Variants in WDHD1 observed in about 807,000 individuals in gnomAD.
WDHD1 encodes the protein WD repeat and HMG-box DNA binding protein 1.
Under a neutral mutation model 135.4 loss-of-function variants are expected in WDHD1, and 111 were observed. The ratio of observed to expected loss-of-function variants is 0.82; its 90% CI spans 0.70 to 0.96. WDHD1 has a LOEUF of 0.96. Among genes scored for constraint, WDHD1 ranks in the 40% least tolerant of loss-of-function variants. The pLI, the probability that WDHD1 is intolerant of heterozygous loss-of-function variation, is 0.00. For synonymous variants in WDHD1, 434 were observed against 439.0 expected, an observed-to-expected ratio of 0.99 and a Z score of 0.14; for missense variants, 1,351 against 1,336.3, an observed-to-expected ratio of 1.01 and a Z score of -0.17.
intron 24 of WDHD1, among the ~76,000 whole-genome samples, chr14:54,950,858 C>A (rs1406301896): frequency 6.6e-6 from 1 of 152,178 alleles, no homozygotes; most frequent in Admixed American, 6.5e-5. Flanking sequence ...CAAAACTGCT[C>A]AACCACATGG....
chr14:54,987,538 T>C (rs1247396726), intron 13 of WDHD1, 151 bp from the exon 14 acceptor site: 2 of 593,620 alleles, frequency 3.4e-6, no homozygotes, highest in African/African-American at 1.9e-5. Context: ...AAAGTAATTA[T>C]GAAATACCCT....
intron 15 of WDHD1, among the ~76,000 whole-genome samples, chr14:54,982,155 C>A (rs944895465): frequency 1.3e-5 from 2 of 151,710 alleles, no homozygotes; most frequent in Admixed American, 6.6e-5. Context: ...TACAGGCACC[C>A]GCCACCACGC....
At position 54,995,751 on chromosome 14, in the gene WDHD1, A is replaced by T; in HGVS notation, c.1005T>A (p.Ala335=). 1 of 1,613,436 alleles carries T rather than the reference A, an allele frequency of 6.2e-7. No individual in the cohort carries two copies. Among genetic ancestry groups the T allele is most frequent in the Non-Finnish European group, 8.5e-7 (1 of 1,179,692 alleles). The change falls in exon 11 of 26, where the codon GCT becomes GCA. Residue 335 remains alanine, a synonymous_variant. Transcript: ENST00000360586. ...DLFDGDDMSN[A]GDFLNDNAVE... is the part of the protein sequence containing the mutation. ...CTGCATTGTCATTTAGAAAATCACC[A>T]GCATTACTCATATCATCTCCATCAA... is the stretch of plus-strand genomic sequence containing the variant.
intron 2 of WDHD1, among the ~76,000 whole-genome samples, chr14:55,018,849 C>T (rs1293399186): frequency 1.3e-5 from 2 of 151,980 alleles, no homozygotes; most frequent in Non-Finnish European, 2.9e-5. Flanking sequence ...AATGGAGAAA[C>T]CCCATCTCTA....
intron 24 of WDHD1, among the ~76,000 whole-genome samples, chr14:54,946,942 C>G (rs1415117443): frequency 6.6e-6 from 1 of 152,166 alleles, no homozygotes; most frequent in Non-Finnish European, 1.5e-5. Context: ...ACTCAGGAGG[C>G]TGAGGCATGA....
Position 54,940,739 on chromosome 14 carries a change from T to C in WDHD1, c.*751A>G, listed in dbSNP as rs943758012. 1 of 152,188 alleles carries C rather than the reference T, an allele frequency of 6.6e-6. No homozygotes were observed. The highest frequency in any genetic ancestry group is 1.5e-5 in the Non-Finnish European group (1 of 68,034). 9.4% of individuals were successfully genotyped at this position (152,188 alleles called of 1,614,324 possible). A position where few individuals can be genotyped will look rare whatever the true frequency, so the allele number is the denominator to read the frequency against. ...GAGCACATGATGCCTTGGACTGCAA[T>C]ACTGTCACAGCAGTGTCTTCAGTTC... is the stretch of plus-strand genomic sequence containing the variant. On this transcript the variant is annotated 3_prime_UTR_variant, in exon 26 of 26. Coordinates refer to ENST00000360586, the MANE Select transcript of WDHD1 (RefSeq NM_007086.4).
At chr14:55,018,916 G>A (rs1348047931) in intron 2 of WDHD1, among the ~76,000 whole-genome samples, 2 of 152,162 alleles carry the variant, frequency 1.3e-5, no homozygotes, top group African/African-American at 4.8e-5. Context: ...CCAGCTACTT[G>A]GGAGGCTGAG....
intron 15 of WDHD1, among the ~76,000 whole-genome samples, chr14:54,982,591 C>A (rs536137884): frequency 2.6e-5 from 4 of 152,210 alleles, no homozygotes; most frequent in African/African-American, 9.6e-5. Context: ...CCTGATTATC[C>A]CTTTTCTTAT....
intron 18 of WDHD1, among the ~76,000 whole-genome samples, chr14:54,964,984 T>A (rs912645276): frequency 2.6e-5 from 4 of 152,234 alleles, no homozygotes; most frequent in Admixed American, 2.6e-4. Flanking sequence ...TGAGTTTTCT[T>A]AATACCAAAC....
Position 55,002,010 on chromosome 14 carries a change from T to C in WDHD1, c.693+83A>G, listed in dbSNP as rs2041987895. ...CAGGAGTTGTTTTCCATTCCAATAA[T>C]ATTTAACTGCAACTGTATTCAGGCA... is the stretch of plus-strand genomic sequence containing the variant. On this transcript the variant is annotated intron_variant, in intron 8 of 25. Transcript: ENST00000360586. 4.1e-6 allele frequency: 4 copies of C among 964,956 alleles called. No individual in the cohort carries two copies. The East Asian group carries it at 7.3e-5, about 18-fold the overall frequency. 59.8% of individuals were successfully genotyped at this position (964,956 alleles called of 1,614,324 possible). A position where few individuals can be genotyped will look rare whatever the true frequency, so the allele number is the denominator to read the frequency against.
chr14:54,975,122 C>T (rs2041504283), intron 16 of WDHD1, among the ~76,000 whole-genome samples: 1 of 152,128 alleles, frequency 6.6e-6, no homozygotes, highest in East Asian at 1.9e-4. Context: ...AGTTTTCAAG[C>T]ACATTAAATA....
intron 2 of WDHD1, among the ~76,000 whole-genome samples, chr14:55,019,213 CATAA>C (rs1443210088): frequency 3.3e-5 from 5 of 152,136 alleles, no homozygotes; most frequent in East Asian, 3.9e-4. Context: ...GATTAAAGCA[CATAA>C]ATATGTACCA....
intron 18 of WDHD1, among the ~76,000 whole-genome samples, chr14:54,964,151 T>C (rs1267337931): frequency 1.3e-5 from 2 of 152,080 alleles, no homozygotes; most frequent in African/African-American, 4.8e-5. Context: ...GAAAAGTTGG[T>C]ATTTTGAAGA....
At chr14:54,975,665 A>C (rs1310249357) in intron 16 of WDHD1, among the ~76,000 whole-genome samples, 1 of 151,966 alleles carries the variant, frequency 6.6e-6, no homozygotes, top group African/African-American at 2.4e-5. Flanking sequence ...TCATAATTAA[A>C]GGAAAATAGG....
chr14:54,968,255 C>G (rs777320118), intron 16 of WDHD1, among the ~76,000 whole-genome samples: 1 of 152,048 alleles, frequency 6.6e-6, no homozygotes. Flanking sequence ...ACAACATACT[C>G]CAGAATGACT....
At position 54,966,458 on chromosome 14, in the gene WDHD1, A is replaced by C. The variant is rs752061940; in HGVS notation, c.2310+17T>G. 1 of 1,588,278 alleles carries C rather than the reference A, an allele frequency of 6.3e-7. No homozygotes were observed. Among genetic ancestry groups the C allele is most frequent in the Admixed American group, 1.9e-5 (1 of 51,520 alleles). ...AGCATTTAACTTTAACGTTTTCAGTATATTTATTTTACTCACCGCAAGCAT... is the reference window on the plus strand; with the variant it reads ...AGCATTTAACTTTAACGTTTTCAGTCTATTTATTTTACTCACCGCAAGCAT... On this transcript the variant is annotated intron_variant, in intron 18 of 25. Coordinates refer to ENST00000360586, the MANE Select transcript of WDHD1 (RefSeq NM_007086.4).
chr14:54,951,687 C>G (rs376990051), intron 24 of WDHD1, among the ~76,000 whole-genome samples: 41 of 152,164 alleles, frequency 2.7e-4, no homozygotes, highest in African/African-American at 5.3e-4. Flanking sequence ...GCCTGGCAGA[C>G]ACACAACAAA....
chr14:54,966,498 C>A lies in WDHD1; in HGVS notation c.2287G>T (p.Glu763Ter), dbSNP rs1181960732. 1.2e-6 allele frequency: 2 copies of A among 1,601,454 alleles called. No homozygotes were observed. The highest frequency in any genetic ancestry group is 2.7e-5 in the African/African-American group (2 of 73,966). ...ACCGCAAGCATTTTCATTAAAAGTT[C>A]CTGTTGCTCTTTTGTTGCTTGATTT... ...TKNQATKEQQELLMKMLALSC... is the reference protein window; with the variant it reads ...TKNQATKEQQ The change falls in exon 18 of 26, where the codon GAA (glutamate) becomes TAA (stop). Residue 763 changes from glutamate to a stop codon, truncating the protein, a stop_gained. Transcript: ENST00000360586. LOFTEE classifies it high-confidence loss of function.
rs936982706 is a variant in WDHD1, at chr14:55,027,015, A to G, written c.-17+13T>C. On this transcript the variant is annotated intron_variant, in intron 1 of 25. Transcript: ENST00000360586. ...CTCCTTGGTGGACGCGGGCAGCCGG[A>G]GTGGGGACTCACCCGGGTGACCGAG... is the stretch of plus-strand genomic sequence containing the variant. 1.9e-6 allele frequency: 1 copy of G among 535,032 alleles called. No homozygotes were observed. Among genetic ancestry groups the G allele is most frequent in the Non-Finnish European group, 3.4e-6 (1 of 297,200 alleles). The allele number at this position is 535,032 out of a possible 1,614,324, so 33.1% of individuals were successfully genotyped here.
Sources: allele counts gnomAD v4.1 joint callset (sites outside exome capture counted in the v4.1 genomes callset), GRCh38; gene constraint gnomAD v4.1.1; transcripts MANE v1.5; gene names NCBI Gene and HGNC (gene_info 2026-07-23, HGNC 2026-07-21).